NAV2: variants seen among roughly 807,000 people sequenced by gnomAD.
NAV2 encodes neuron navigator 2, also known as helicase, APC down-regulated 1.
A neutral mutation model predicts 223.2 loss-of-function variants in NAV2; 54 were observed. The ratio of observed to expected loss-of-function variants is 0.24; its 90% CI spans 0.19 to 0.30. NAV2 has a LOEUF of 0.30. NAV2 is among the 10% of genes least tolerant of loss of function. The pLI, the probability that NAV2 is intolerant of heterozygous loss-of-function variation, is 1.00. For synonymous variants in NAV2, 1,279 were observed against 1,239.3 expected (o/e 1.03, Z -0.67); for missense variants, 2,806 against 3,147.5 (o/e 0.89, Z 2.60).
At chr11:19,552,593 A>G (rs2044725388) in intron 1 of NAV2, among the ~76,000 whole-genome samples, 1 of 152,190 alleles carries the variant, frequency 6.6e-6, no homozygotes, top group Non-Finnish European at 1.5e-5. Flanking sequence ...CATTTGTCAC[A>G]AGGCCATGGA....
chr11:19,609,951 C>T (rs1315662014), intron 1 of NAV2, among the ~76,000 whole-genome samples: 2 of 152,190 alleles, frequency 1.3e-5, no homozygotes, highest in South Asian at 2.1e-4. Context: ...TCAACTAATC[C>T]TCTCAACAGT....
intron 4 of NAV2, among the ~76,000 whole-genome samples, chr11:19,871,536 G>A (rs559891236): frequency 3.0e-4 from 46 of 152,190 alleles, no homozygotes; most frequent in Middle Eastern, 3.4e-3. Flanking sequence ...AGGCCCTGCT[G>A]ACCAGGACTT....
chr11:19,667,734 G>T (rs2048455109), intron 1 of NAV2, among the ~76,000 whole-genome samples: 2 of 152,206 alleles, frequency 1.3e-5, no homozygotes, highest in Non-Finnish European at 2.9e-5. Flanking sequence ...AGACTTCTTT[G>T]CTATGAGATT....
At chr11:19,921,746 C>T (rs1565563667) in intron 6 of NAV2, among the ~76,000 whole-genome samples, 2 of 152,188 alleles carry the variant, frequency 1.3e-5, no homozygotes, top group Non-Finnish European at 2.9e-5. Context: ...TACTTAACCC[C>T]TATGCCTCAG....
intron 20 of NAV2, among the ~76,000 whole-genome samples, chr11:20,064,008 C>A (rs529268634): frequency 4.1e-4 from 62 of 152,346 alleles, no homozygotes; most frequent in Admixed American, 1.1e-3. Context: ...ACCCCTCCAA[C>A]TCTAAAATTC....
intron 1 of NAV2, among the ~76,000 whole-genome samples, chr11:19,750,641 G>T (rs988780564): frequency 6.6e-6 from 1 of 152,144 alleles, no homozygotes. Context: ...GTGTGGAAGG[G>T]GCTTTATACT....
intron 1 of NAV2, among the ~76,000 whole-genome samples, chr11:19,355,492 T>TC (rs1435286724): frequency 6.6e-6 from 1 of 152,168 alleles, no homozygotes. Context: ...ATTTGCCCCA[T>TC]CAACCTCTTG....
intron 1 of NAV2, among the ~76,000 whole-genome samples, chr11:19,810,055 A>G (rs964075938): frequency 2.0e-5 from 3 of 152,216 alleles, no homozygotes; most frequent in Admixed American, 2.0e-4. Flanking sequence ...TGAGAGCAGA[A>G]CATCTACATA....
chr11:20,108,438 C>A (rs1002732536), intron 36 of NAV2, among the ~76,000 whole-genome samples: 1 of 151,950 alleles, frequency 6.6e-6, no homozygotes, highest in South Asian at 2.1e-4. Flanking sequence ...AGTTGGAAAG[C>A]ACAAATTCTT....
intron 10 of NAV2, among the ~76,000 whole-genome samples, chr11:19,959,158 TG>T (rs1461740050): frequency 6.6e-6 from 1 of 152,166 alleles, no homozygotes; most frequent in Admixed American, 6.5e-5. Context: ...GCACCCACCC[TG>T]TGCTCCCAGA....
chr11:19,631,961 C>T (rs1016693333), intron 1 of NAV2, among the ~76,000 whole-genome samples: 1 of 152,254 alleles, frequency 6.6e-6, no homozygotes, highest in Non-Finnish European at 1.5e-5. Context: ...GCCAATCTTT[C>T]ACCAGCCTCA....
At chr11:20,103,791 G>A (rs2061820097) in intron 34 of NAV2, 67 bp downstream of exon 34, 1 of 1,372,948 alleles carries the variant, frequency 7.3e-7, no homozygotes, top group Non-Finnish European at 1.0e-6. Context: ...AGAAGGGGCG[G>A]GTAGAGATGC....
intron 1 of NAV2, among the ~76,000 whole-genome samples, chr11:19,634,204 A>C (rs2047426988): frequency 6.6e-6 from 1 of 152,132 alleles, no homozygotes; most frequent in Non-Finnish European, 1.5e-5. Context: ...TCATACCCCC[A>C]TTGTCCTCAG....
At chr11:20,063,931 C>T (rs1228462076) in intron 20 of NAV2, among the ~76,000 whole-genome samples, 1 of 152,166 alleles carries the variant, frequency 6.6e-6, no homozygotes, top group African/African-American at 2.4e-5. Flanking sequence ...ATTGAGCAAA[C>T]AAACTTCAGT....
At chr11:19,715,156 T>G (rs2050197965) in intron 1 of NAV2, among the ~76,000 whole-genome samples, 1 of 152,158 alleles carries the variant, frequency 6.6e-6, no homozygotes. Context: ...GTAAGCAGAC[T>G]TTTGGAACTC....
At position 19,351,007 on chromosome 11, in the gene NAV2, G is replaced by T; in HGVS notation, c.55G>T (p.Gly19Ter). The T allele has an allele frequency of 6.4e-7, 1 of 1,551,650 alleles. No individual in the cohort carries two copies. The highest frequency in any genetic ancestry group is 8.7e-7 in the Non-Finnish European group (1 of 1,146,980). ...GCAGAAGAGAAAGCCAGTTATCCAC[G>T]GACTGGAAGATCAAAAGAGGGTAAG... The change falls in exon 1 of 38, where the codon GGA becomes TGA. Residue 19 changes from glycine (G) to a stop codon, truncating the protein, a stop_gained. Transcript: ENST00000360655. LOFTEE classifies it high-confidence loss of function.
At chr11:19,547,696 AC>A (rs1590478983) in intron 1 of NAV2, among the ~76,000 whole-genome samples, 2 of 151,972 alleles carry the variant, frequency 1.3e-5, no homozygotes, top group Admixed American at 6.6e-5. Context: ...GACAAGTAGG[AC>A]CCCCTCTCTT....
intron 1 of NAV2, among the ~76,000 whole-genome samples, chr11:19,610,910 C>T (rs2046621610): frequency 6.6e-6 from 1 of 151,860 alleles, no homozygotes; most frequent in African/African-American, 2.4e-5. Context: ...GTATGCTTAG[C>T]ACCTCCTCGT....
intron 19 of NAV2, among the ~76,000 whole-genome samples, chr11:20,059,219 C>T (rs2058551601): frequency 6.6e-6 from 1 of 152,204 alleles, no homozygotes; most frequent in South Asian, 2.1e-4. Context: ...ACTCTTTCCA[C>T]AGTACCCAAT....
Sources: gnomAD v4.1 joint callset for allele counts (sites outside exome capture counted in the v4.1 genomes callset) on GRCh38, gnomAD v4.1.1 for gene constraint, MANE v1.5 for transcripts, NCBI Gene and HGNC (gene_info 2026-07-23, HGNC 2026-07-21) for gene names.